Variants in KIAA1549L observed in about 807,000 individuals in gnomAD.
KIAA1549L encodes KIAA1549 like, also known as UPF0606 protein KIAA1549L.
In KIAA1549L, 88 loss-of-function variants were observed where a neutral mutation model predicts 160.7. The ratio of observed to expected loss-of-function variants is 0.55; its 90% CI spans 0.46 to 0.65. KIAA1549L has a LOEUF of 0.65. KIAA1549L is among the 30% of genes least tolerant of loss of function. The pLI, the probability that KIAA1549L is intolerant of heterozygous loss-of-function variation, is 0.00. For missense variants in KIAA1549L, 2,258 were observed against 2,437.5 expected (o/e 0.93, Z 1.55); for synonymous variants, 950 against 976.7 (o/e 0.97, Z 0.51).
intron 16 of KIAA1549L, among the ~76,000 whole-genome samples, chr11:33,637,312 G>T (rs1397302666): frequency 6.6e-6 from 1 of 152,206 alleles, no homozygotes; most frequent in Non-Finnish European, 1.5e-5. Context: ...TTCTGGCCTA[G>T]GTTACGGCCA....
At position 33,583,359 on chromosome 11, in the gene KIAA1549L, A is replaced by G. The variant is rs1375410905; in HGVS notation, c.4424A>G (p.Asn1475Ser). 6.2e-7 allele frequency: 1 copy of G among 1,606,282 alleles called. No individual in the cohort carries two copies. Among genetic ancestry groups the G allele is most frequent in the Non-Finnish European group, 8.5e-7 (1 of 1,176,502 alleles). ...QADPVVKNPP[N>S]NLWIIAAVLA... Reference sequence around the variant, plus strand: ...ACAGCCGTGGTGAAGAACCCGCCCAATAACCTGTGGATCATCGCTGCAGTG... The same window carrying G: ...ACAGCCGTGGTGAAGAACCCGCCCAGTAACCTGTGGATCATCGCTGCAGTG... The change falls in exon 11 of 21, where the codon AAT (asparagine) becomes AGT (serine). Residue 1475 changes from asparagine to serine, a missense_variant. Asn to Ser is a conservative substitution (Grantham distance 46). Transcript: ENST00000658780.
At chr11:33,563,758 G>A (rs956641499) in intron 8 of KIAA1549L, among the ~76,000 whole-genome samples, 1 of 152,196 alleles carries the variant, frequency 6.6e-6, no homozygotes, top group Non-Finnish European at 1.5e-5. Context: ...AGTGGCTTAT[G>A]TAACATTTAC....
At position 33,609,952 on chromosome 11, in the gene KIAA1549L, C is replaced by A. The variant is rs750034764; in HGVS notation, c.5265C>A (p.Thr1755=). The A allele has an allele frequency of 1.9e-6, 3 of 1,613,300 alleles. No individual in the cohort carries two copies. Among genetic ancestry groups the A allele is most frequent in the Non-Finnish European group, 2.5e-6 (3 of 1,179,500 alleles). The change falls in exon 15 of 21, where the codon ACC becomes ACA. Residue 1755 remains threonine (T), a synonymous_variant. Coordinates refer to ENST00000658780, the MANE Select transcript of KIAA1549L (RefSeq NM_012194.3). ...DPDSELCAPF[T]ESKNRQQMKN... ...ATTCAGAACTCTGTGCTCCATTCAC[C>A]GAGTCTAAAAACAGGTGCAGTCTCT... is the stretch of plus-strand genomic sequence containing the variant.
chr11:33,569,549 G>T lies in KIAA1549L; in HGVS notation c.4230+1322G>T, dbSNP rs1045664871. Among the ~76,000 whole-genome samples the T allele has an allele frequency of 2.0e-5, 3 of 152,194 alleles. 1 individual carries two copies. The highest frequency in any genetic ancestry group is 4.1e-4 in the South Asian group (2 of 4,826). ...AATTGCAGCCATTAGCATAGTCTGT[G>T]TGCAAATCCTGTCTCCAGGCAATCT... is the stretch of plus-strand genomic sequence containing the variant. On this transcript the variant is annotated intron_variant, in intron 9 of 20. Transcript: ENST00000658780.
intron 1 of KIAA1549L, among the ~76,000 whole-genome samples, chr11:33,506,867 G>A (rs945889781): frequency 2.0e-5 from 3 of 152,166 alleles, no homozygotes; most frequent in Non-Finnish European, 4.4e-5. Context: ...CAGATTCAAT[G>A]TCACAGTTCA....
intron 16 of KIAA1549L, among the ~76,000 whole-genome samples, chr11:33,630,241 G>A (rs976514201): frequency 1.6e-4 from 24 of 152,242 alleles, no homozygotes; most frequent in African/African-American, 5.3e-4. Context: ...TTGTTTGTCT[G>A]TGCCCTGCCC....
intron 1 of KIAA1549L, among the ~76,000 whole-genome samples, chr11:33,416,739 T>A (rs1274742100): frequency 6.6e-6 from 1 of 152,216 alleles, no homozygotes; most frequent in East Asian, 1.9e-4. Context: ...AAGGGATGGT[T>A]ATTTAGTAAT....
chr11:33,617,264 G>A (rs756095096), intron 15 of KIAA1549L, among the ~76,000 whole-genome samples: 2 of 152,116 alleles, frequency 1.3e-5, no homozygotes, highest in African/African-American at 2.4e-5. Flanking sequence ...TTGCAGGATC[G>A]TGTGGAACTC....
At chr11:33,655,045 C>T (rs993976956) in intron 17 of KIAA1549L, among the ~76,000 whole-genome samples, 16 of 152,152 alleles carry the variant, frequency 1.1e-4, no homozygotes, top group African/African-American at 3.4e-4. Flanking sequence ...AAGAAAGAAA[C>T]GGATGAGAAC....
chr11:33,645,371 G>A (rs1416695604), intron 16 of KIAA1549L, among the ~76,000 whole-genome samples: 1 of 152,116 alleles, frequency 6.6e-6, no homozygotes, highest in East Asian at 1.9e-4. Flanking sequence ...GTCTCTAAAA[G>A]ATTTTAGAAA....
At chr11:33,624,323 GAATCCATCTTCT>G (rs1183808670) in intron 16 of KIAA1549L, among the ~76,000 whole-genome samples, 2 of 152,190 alleles carry the variant, frequency 1.3e-5, no homozygotes, top group Non-Finnish European at 2.9e-5. Flanking sequence ...GCAGCTGGGG[GAATCCATCTTCT>G]AGTCCTAAGC....
At chr11:33,430,489 A>C (rs1251205663) in intron 1 of KIAA1549L, among the ~76,000 whole-genome samples, 1 of 152,232 alleles carries the variant, frequency 6.6e-6, no homozygotes, top group African/African-American at 2.4e-5. Context: ...ATAACTCATT[A>C]GGTAAGATCT....
intron 16 of KIAA1549L, among the ~76,000 whole-genome samples, chr11:33,641,533 C>T (rs552299202): frequency 6.4e-4 from 74 of 115,212 alleles, no homozygotes; most frequent in African/African-American, 2.5e-3. Context: ...ATTTGTTTGA[C>T]TCTGTCAGAG....
chr11:33,507,568 G>A (rs1194512271), intron 1 of KIAA1549L, among the ~76,000 whole-genome samples: 5 of 152,164 alleles, frequency 3.3e-5, no homozygotes, highest in Admixed American at 2.6e-4. Flanking sequence ...ACAGTAAGCT[G>A]TCTGGATACA....
chr11:33,449,640 G>T (rs1346329833), intron 1 of KIAA1549L, among the ~76,000 whole-genome samples: 1 of 152,138 alleles, frequency 6.6e-6, no homozygotes, highest in Non-Finnish European at 1.5e-5. Flanking sequence ...GTGCCTTTCA[G>T]TGGGTGCTTT....
At chr11:33,515,109 C>G (rs903178780) in intron 1 of KIAA1549L, among the ~76,000 whole-genome samples, 7 of 152,120 alleles carry the variant, frequency 4.6e-5, no homozygotes, top group East Asian at 1.9e-4. Context: ...ACCAGGGGGT[C>G]GTATTTATTT....
At position 33,569,080 on chromosome 11, in the gene KIAA1549L, C is replaced by CT. The variant is rs1428583836; in HGVS notation, c.4230+854dup. ...ATTCTTGTATTACCTCCTCACCCTC[C>CT]TGCCAGTTCGTTGCACCTCTCAGAT... On this transcript the variant is annotated intron_variant, in intron 9 of 20. Transcript: ENST00000658780. Among the ~76,000 whole-genome samples the CT allele has an allele frequency of 1.1e-4, 16 of 152,294 alleles. No individual in the cohort carries two copies. The East Asian group carries it at 2.7e-3, about 26-fold the overall frequency.
chr11:33,401,717 A>T (rs1161542012), intron 1 of KIAA1549L, among the ~76,000 whole-genome samples: 1 of 152,168 alleles, frequency 6.6e-6, no homozygotes, highest in Non-Finnish European at 1.5e-5. Flanking sequence ...ACATGCCACA[A>T]TGCCCAGCTA....
intron 1 of KIAA1549L, among the ~76,000 whole-genome samples, chr11:33,448,696 C>T (rs1291126282): frequency 6.6e-6 from 1 of 152,128 alleles, no homozygotes; most frequent in African/African-American, 2.4e-5. Flanking sequence ...TTTTCTGTGA[C>T]CTCTGCTTGT....
Sources: allele counts gnomAD v4.1 joint callset (sites outside exome capture counted in the v4.1 genomes callset), GRCh38; gene constraint gnomAD v4.1.1; transcripts MANE v1.5; gene names NCBI Gene and HGNC (gene_info 2026-07-23, HGNC 2026-07-21).